LIPH: variants seen among roughly 807,000 people sequenced by gnomAD.
LIPH encodes the protein lipase member H.
A neutral mutation model predicts 47.6 loss-of-function variants in LIPH; 32 were observed. That is an observed-to-expected ratio of 0.67 (90% CI 0.51 to 0.90). The LOEUF is 0.90. LIPH is among the 40% of genes least tolerant of loss of function. The pLI, the probability that LIPH is intolerant of heterozygous loss-of-function variation, is 0.00. For missense variants in LIPH, 497 were observed against 541.4 expected, an observed-to-expected ratio of 0.92 and a Z score of 0.81; for synonymous variants, 190 against 195.6, an observed-to-expected ratio of 0.97 and a Z score of 0.24.
intron 8 of LIPH, among the ~76,000 whole-genome samples, chr3:185,512,956 C>T (rs761198093): frequency 1.3e-5 from 2 of 152,184 alleles, no homozygotes; most frequent in Non-Finnish European, 2.9e-5. Context: ...GAAACCAGAG[C>T]TCCCTGGAGA....
At chr3:185,519,957 T>C (rs1455248481) in intron 5 of LIPH, among the ~76,000 whole-genome samples, 2 of 149,672 alleles carry the variant, frequency 1.3e-5, no homozygotes, top group Non-Finnish European at 3.0e-5. Context: ...ATCGTGCTTA[T>C]TAAAATACAG....
intron 1 of LIPH, among the ~76,000 whole-genome samples, chr3:185,547,170 A>T (rs1229934215): frequency 6.6e-6 from 1 of 151,822 alleles, no homozygotes; most frequent in Non-Finnish European, 1.5e-5. Flanking sequence ...TCTCAGACCC[A>T]TCTCAGACCT....
rs373730693 is a variant in LIPH at position 185,534,875 on chromosome 3, C to T, written c.307G>A (p.Val103Ile). Residue 103 changes from valine (V) to isoleucine (I), a missense_variant, in exon 2 of 10, where the codon GTA becomes ATA. Val to Ile is a conservative substitution (Grantham distance 29). Transcript: ENST00000296252. ...KGLLSVEDMN[V>I]VVVDWNRGAT... ...CCTCGATTCCAATCAACAACAACTA[C>T]GTTCATGTCTTCAACAGAGAGCAAA... 5.6e-6 allele frequency: 9 copies of T among 1,614,060 alleles called. No individual in the cohort carries two copies. In the African/African-American group the frequency reaches 6.7e-5, roughly 12 times the overall value.
At position 185,516,929 on chromosome 3, in the gene LIPH, G is replaced by A. The variant is rs191681482; in HGVS notation, c.982+138C>T. The A allele has an allele frequency of 1.1e-3, 830 of 735,996 alleles. 6 individuals are homozygous for A. In the African/African-American group the frequency reaches 0.013, roughly 11 times the overall value. 45.6% of individuals were successfully genotyped at this position (735,996 alleles called of 1,614,324 possible). On this transcript the variant is annotated intron_variant, in intron 7 of 9. Transcript: ENST00000296252. ...CAGCTATTATGTGGTAGACTCAGGAGTCAACCGAGGCCCTTCCAGCTCCAA... is the reference window on the plus strand; with the variant it reads ...CAGCTATTATGTGGTAGACTCAGGAATCAACCGAGGCCCTTCCAGCTCCAA...
chr3:185,533,766 G>T, intron 2 of LIPH, 87 bp from the exon 3 acceptor site: 1 of 857,044 alleles, frequency 1.2e-6, no homozygotes. Flanking sequence ...TGACTTTGGA[G>T]AAGTAATTCT....
rs1364984839 is a variant in LIPH, at chr3:185,508,795, A to G, written c.1351T>C (p.Leu451=). Residue 451 remains leucine, a synonymous_variant, in exon 10 of 10, where the codon TTG becomes CTG. Coordinates refer to ENST00000296252, the MANE Select transcript of LIPH (RefSeq NM_139248.3). ...GCCATGTGTCCTGGCAACAGTTACA[A>G]CTGCAACTCTGGGCAAAGAATAGGT... ...FQPILCPELQ[L] is the part of the protein sequence containing the mutation. The G allele has an allele frequency of 6.2e-7, 1 of 1,609,300 alleles. No homozygotes were observed. The highest frequency in any genetic ancestry group is 8.5e-7 in the Non-Finnish European group (1 of 1,175,734).
At chr3:185,528,566 A>G (rs1449802712) in intron 3 of LIPH, among the ~76,000 whole-genome samples, 1 of 152,194 alleles carries the variant, frequency 6.6e-6, no homozygotes, top group Non-Finnish European at 1.5e-5. Flanking sequence ...AGCCTTGATC[A>G]GAACACAGCC....
intron 5 of LIPH, among the ~76,000 whole-genome samples, chr3:185,523,428 C>A (rs62290252): frequency 1.8e-3 from 273 of 152,106 alleles, no homozygotes; most frequent in Non-Finnish European, 3.0e-3. Context: ...TTTTTTGAGA[C>A]AGGTCTCACT....
At chr3:185,528,351 A>AAAGAAAGAAAGAAAGC (rs1252912170) in intron 3 of LIPH, among the ~76,000 whole-genome samples, 3 of 151,762 alleles carry the variant, frequency 2.0e-5, no homozygotes, top group Non-Finnish European at 4.4e-5. Flanking sequence ...AGAAAGAAAG[A>AAAGAAAGAAAGAAAGC]AAGAAAGCGC....
At position 185,520,875 on chromosome 3, in the gene LIPH, T is replaced by TTC. The variant is rs1271071360; in HGVS notation, c.719-1567_719-1566insGA. 3.3e-5 allele frequency among the ~76,000 whole-genome samples: 5 copies of TTC among 150,508 alleles called. No homozygotes were observed. In the East Asian group the frequency reaches 9.8e-4, roughly 29 times the overall value. ...CTAATCAAGTACTAGCTTCTATCTT[T>TTC]TTTTTTTTTTTTGAGATGGAGTCTC... On this transcript the variant is annotated intron_variant, in intron 5 of 9. Transcript: ENST00000296252.
At chr3:185,544,506 C>A (rs1720809867) in intron 1 of LIPH, among the ~76,000 whole-genome samples, 1 of 151,992 alleles carries the variant, frequency 6.6e-6, no homozygotes, top group Non-Finnish European at 1.5e-5. Flanking sequence ...AGGCGCCCAC[C>A]ACCACACCTG....
rs757156289 is a variant in LIPH, at chr3:185,533,672, CCTT to C, written c.422_424del (p.Glu141del). ...CATGTAAATGTCATCAAGAGAAGCT[CCTT>C]CTGCCTGGAATTTCAAGAGGTCCAT... On this transcript the variant is annotated inframe_deletion, in exon 3 of 10. Transcript: ENST00000296252. 11 of 1,609,700 alleles carry C rather than the reference CCTT, an allele frequency of 6.8e-6. No individual in the cohort carries two copies. In the South Asian group the frequency reaches 1.2e-4, roughly 18 times the overall value.
At chr3:185,530,082 C>G (rs1480994256) in intron 3 of LIPH, among the ~76,000 whole-genome samples, 1 of 152,048 alleles carries the variant, frequency 6.6e-6, no homozygotes, top group Admixed American at 6.6e-5. Context: ...GAAAGCTGAG[C>G]TGAGAGGATG....
rs1292654559 is a variant in LIPH at position 185,506,418 on chromosome 3, G to A, written c.*2372C>T. On this transcript the variant is annotated 3_prime_UTR_variant, in exon 10 of 10. Transcript: ENST00000296252. ...AGGTACTGAGAGCTAGGAGACCCAC[G>A]AGCCTAGAGTTTACAAAGTAGTAGA... 1.3e-5 allele frequency: 2 copies of A among 152,086 alleles called. No individual in the cohort carries two copies. The highest frequency in any genetic ancestry group is 2.9e-5 in the Non-Finnish European group (2 of 68,034). 9.4% of individuals were successfully genotyped at this position (152,086 alleles called of 1,614,324 possible).
intron 3 of LIPH, among the ~76,000 whole-genome samples, chr3:185,529,950 GAA>G (rs1560165201): frequency 8.1e-4 from 44 of 54,652 alleles, no homozygotes; most frequent in South Asian, 2.5e-3. Flanking sequence ...AAGAAAGAAA[GAA>G]AGAAAGAAAG....
At chr3:185,528,323 G>GAAAAAAGAAAGA (rs1553822820) in intron 3 of LIPH, among the ~76,000 whole-genome samples, 1 of 125,514 alleles carries the variant, frequency 8.0e-6, no homozygotes, top group Non-Finnish European at 1.6e-5. Context: ...AAGAAAGAAA[G>GAAAAAAGAAAGA]AAGAAAGAAA....
chr3:185,516,125 C>A (rs1267236259), intron 7 of LIPH, among the ~76,000 whole-genome samples: 2 of 152,036 alleles, frequency 1.3e-5, no homozygotes, highest in African/African-American at 2.4e-5. Flanking sequence ...CAGAACAAGA[C>A]CCTGTCTCAA....
intron 3 of LIPH, among the ~76,000 whole-genome samples, chr3:185,531,053 A>G (rs1367702549): frequency 6.6e-6 from 1 of 152,164 alleles, no homozygotes; most frequent in Non-Finnish European, 1.5e-5. Context: ...GGATTTCCTT[A>G]GTGATAAGCC....
rs190805383 is a variant in LIPH at position 185,532,141 on chromosome 3, T to C, written c.526+1430A>G. Among the ~76,000 whole-genome samples, 71 of 152,300 alleles carry C rather than the reference T, an allele frequency of 4.7e-4. No individual in the cohort carries two copies. The East Asian group carries it at 0.013, about 27-fold the overall frequency. ...CTCCCCAGGACAGACACCCAACATT[T>C]TGCATGCAACTTCACGGCCTCTTAC... On this transcript the variant is annotated intron_variant, in intron 3 of 9. Transcript: ENST00000296252.
Sources: allele counts gnomAD v4.1 joint callset (sites outside exome capture counted in the v4.1 genomes callset), GRCh38; gene constraint gnomAD v4.1.1; transcripts MANE v1.5; gene names NCBI Gene and HGNC (gene_info 2026-07-23, HGNC 2026-07-21).